GFPT2: variants seen among roughly 807,000 people sequenced by gnomAD.
The protein encoded by GFPT2 is glutamine--fructose-6-phosphate aminotransferase [isomerizing] 2.
A neutral mutation model predicts 85.6 loss-of-function variants in GFPT2; 62 were observed. The observed-to-expected ratio is 0.72, with a 90% CI of 0.59 to 0.90. GFPT2 has a LOEUF of 0.90. Among genes scored for constraint, GFPT2 ranks in the 40% least tolerant of loss-of-function variants. GFPT2 has a pLI of 0.00. For missense variants in GFPT2, 788 were observed against 893.4 expected, an observed-to-expected ratio of 0.88 and a Z score of 1.50; for synonymous variants, 368 against 344.5, an observed-to-expected ratio of 1.07 and a Z score of -0.75.
At chr5:180,310,252 A>C (rs1237666773) in intron 15 of GFPT2, among the ~76,000 whole-genome samples, 1 of 144,820 alleles carries the variant, frequency 6.9e-6, no homozygotes, top group Non-Finnish European at 1.5e-5. Flanking sequence ...ACAGGCACCC[A>C]CTAGCACGCC....
At position 180,328,245 on chromosome 5, in the gene GFPT2, C is replaced by T; in HGVS notation, c.596+32G>A. 1 of 1,537,752 alleles carries T rather than the reference C, an allele frequency of 6.5e-7. No individual in the cohort carries two copies. The highest frequency in any genetic ancestry group is 9.0e-7 in the Non-Finnish European group (1 of 1,110,334). ...CTAAGTGATTTTATTTTCGTTCTTT[C>T]TTATGGGAAATGCCAGTGTGTTTTG... On this transcript the variant is annotated intron_variant, in intron 7 of 18. Transcript: ENST00000253778. This position sits in a 1 kb window ranked among gnomAD's most constrained non-coding sequence, Gnocchi z 5.4.
In GFPT2 at chr5:180,330,871, C is replaced by A; in HGVS notation, c.400-37G>T. On this transcript the variant is annotated intron_variant, in intron 5 of 18. Transcript: ENST00000253778. The surrounding 1 kb of genome is among the most constrained non-coding windows in gnomAD (Gnocchi z 4.4). Reference sequence around the variant, plus strand: ...AGTCGGCACAGTGTGAGAGATTGGTCATTGCACAATGCCTGCCTGGCCAAC... The same window carrying A: ...AGTCGGCACAGTGTGAGAGATTGGTAATTGCACAATGCCTGCCTGGCCAAC... 2 of 1,604,428 alleles carry A rather than the reference C, an allele frequency of 1.2e-6. No individual in the cohort carries two copies. Among genetic ancestry groups the A allele is most frequent in the South Asian group, 2.2e-5 (2 of 90,324 alleles).
chr5:180,344,513 G>A (rs1048462171), intron 1 of GFPT2, among the ~76,000 whole-genome samples: 4 of 152,228 alleles, frequency 2.6e-5, no homozygotes, highest in African/African-American at 9.6e-5. Flanking sequence ...AACATGGACC[G>A]ACTGTTTGGA....
At chr5:180,310,994 G>A (rs763971346) in intron 15 of GFPT2, among the ~76,000 whole-genome samples, 1 of 152,182 alleles carries the variant, frequency 6.6e-6, no homozygotes, top group Non-Finnish European at 1.5e-5. Context: ...GTTTTGCATG[G>A]TTATGACCTG....
At chr5:180,342,859 G>A (rs557638493) in intron 1 of GFPT2, among the ~76,000 whole-genome samples, 1 of 151,840 alleles carries the variant, frequency 6.6e-6, no homozygotes, top group Non-Finnish European at 1.5e-5. Context: ...CTGAGATCAC[G>A]CCACTGCACT....
Position 180,336,550 on chromosome 5 carries a change from T to C in GFPT2, c.143A>G (p.Glu48Gly). The C allele has an allele frequency of 1.2e-6, 2 of 1,610,844 alleles. No individual in the cohort carries two copies. The highest frequency in any genetic ancestry group is 1.1e-5 in the South Asian group (1 of 91,000). Reference protein sequence around the residue: ...AGVAIDGNNHEVKERHIQLVK... With the variant: ...AGVAIDGNNHGVKERHIQLVK... Reference sequence around the variant, plus strand: ...CAGCTGAATGTGTCTTTCTTTGACTTCGTGATTATTCCCATCGATCGCCAC... The same window carrying C: ...CAGCTGAATGTGTCTTTCTTTGACTCCGTGATTATTCCCATCGATCGCCAC... The change falls in exon 3 of 19, where the codon GAA becomes GGA. Residue 48 changes from glutamate (E) to glycine (G), a missense_variant. Physicochemically the swap from Glu to Gly is moderately conservative, Grantham distance 98. Coordinates refer to ENST00000253778, the MANE Select transcript of GFPT2 (RefSeq NM_005110.4).
In GFPT2 at chr5:180,348,991, C is replaced by T. The variant is rs376615144; in HGVS notation, c.7+4220G>A. On this transcript the variant is annotated intron_variant, in intron 1 of 18. Transcript: ENST00000253778. ...TCCTGACCTCGTGATCCACCCACCT[C>T]GGCCTCCCAAAGTGCTGGGATTACA... 2.0e-4 allele frequency among the ~76,000 whole-genome samples: 31 copies of T among 151,844 alleles called. No homozygotes were observed. In the East Asian group the frequency reaches 5.6e-3, roughly 28 times the overall value.
intron 4 of GFPT2, among the ~76,000 whole-genome samples, chr5:180,333,220 A>C (rs1764337690): frequency 6.6e-6 from 1 of 150,572 alleles, no homozygotes; most frequent in Non-Finnish European, 1.5e-5. Context: ...ATCTATGGTG[A>C]TATTGTTTCT....
At chr5:180,344,530 T>C (rs1292187503) in intron 1 of GFPT2, among the ~76,000 whole-genome samples, 1 of 152,154 alleles carries the variant, frequency 6.6e-6, no homozygotes, top group Non-Finnish European at 1.5e-5. Flanking sequence ...TGGACAGTGG[T>C]GTACATGACG....
chr5:180,316,828 T>G lies in GFPT2; in HGVS notation c.1088A>C (p.Glu363Ala). 1 of 1,614,018 alleles carries G rather than the reference T, an allele frequency of 6.2e-7. No individual in the cohort carries two copies. The highest frequency in any genetic ancestry group is 1.1e-5 in the South Asian group (1 of 91,076). Residue 363 changes from glutamate to alanine, a missense_variant, in exon 12 of 19, where the codon GAG becomes GCG. Transcript: ENST00000253778. ...LLGGLKDHLK[E>A]IRRCRRLIVI... ...GATGAGCCGTCGGCATCGTCGAATC[T>G]CCTTCAAGTGGTCCTTCAAGCCACC... is the stretch of plus-strand genomic sequence containing the variant.
In GFPT2 at chr5:180,353,298, TGGGCTCC is replaced by T. The variant is rs1210441706; in HGVS notation, c.-88_-82del. On this transcript the variant is annotated 5_prime_UTR_variant, in exon 1 of 19. Coordinates refer to ENST00000253778, the MANE Select transcript of GFPT2 (RefSeq NM_005110.4). ...TGGGGCTCCTCCGTGGGCTCCTCCG[TGGGCTCC>T]GTGGGCTCCGTGGGCTCCGCGGGCT... is the stretch of plus-strand genomic sequence containing the variant. 1.1e-4 allele frequency: 29 copies of T among 261,588 alleles called. No individual in the cohort carries two copies. The South Asian group carries it at 2.2e-3, about 20-fold the overall frequency. 16.2% of individuals were successfully genotyped at this position (261,588 alleles called of 1,614,324 possible).
intron 1 of GFPT2, among the ~76,000 whole-genome samples, chr5:180,347,856 T>G (rs1427985014): frequency 6.6e-6 from 1 of 152,010 alleles, no homozygotes; most frequent in African/African-American, 2.4e-5. Flanking sequence ...GCCTGGGGGA[T>G]GGGGAAGACA....
At chr5:180,352,479 A>C (rs755485280) in intron 1 of GFPT2, 1 of 451,332 alleles carries the variant, frequency 2.2e-6, no homozygotes, top group Non-Finnish European at 4.4e-6. Context: ...CGCCCTCCCC[A>C]CGGTCCCGCA....
intron 1 of GFPT2, 141 bp downstream of exon 1, chr5:180,353,070 C>T (rs1318281995): frequency 3.1e-6 from 2 of 647,242 alleles, no homozygotes; most frequent in African/African-American, 1.9e-5. Flanking sequence ...CCGACGACAG[C>T]CCCTCGGTAG....
At chr5:180,331,989 T>C (rs755365099) in intron 4 of GFPT2, among the ~76,000 whole-genome samples, 36 of 152,248 alleles carry the variant, frequency 2.4e-4, no homozygotes, top group Non-Finnish European at 4.7e-4. Context: ...AGCACCGTGC[T>C]GTGTTTGACC....
chr5:180,327,226 G>A (rs773823021), intron 7 of GFPT2, among the ~76,000 whole-genome samples: 1 of 152,160 alleles, frequency 6.6e-6, no homozygotes, highest in African/African-American at 2.4e-5. Context: ...TTTAGAGCCG[G>A]CCTCTGTCCG....
intron 1 of GFPT2, among the ~76,000 whole-genome samples, chr5:180,342,918 GAAGA>G (rs1294642349): frequency 2.6e-5 from 4 of 151,772 alleles, no homozygotes; most frequent in South Asian, 2.1e-4. Context: ...AAAAAAAAAG[GAAGA>G]AAGAAAGAAA....
In GFPT2 at chr5:180,307,191, G is replaced by A. The variant is rs761504667; in HGVS notation, c.1659C>T (p.Cys553=). 7 of 1,587,380 alleles carry A rather than the reference G, an allele frequency of 4.4e-6. No individual in the cohort carries two copies. In the South Asian group the frequency reaches 8.1e-5, roughly 18 times the overall value. The change falls in exon 16 of 19, where the codon TGC becomes TGT. Residue 553 remains cysteine (C), a synonymous_variant. Coordinates refer to ENST00000253778, the MANE Select transcript of GFPT2 (RefSeq NM_005110.4). ...VMGRGYNYAT[C]LEGALKIKEI... is the part of the protein sequence containing the mutation. ...GGGGGCTCACCAGGGCTCCTTCCAG[G>A]CAGGTGGCATAGTTGTAGCCCCGCC...
At chr5:180,304,122 T>A (rs1261770887) in intron 17 of GFPT2, among the ~76,000 whole-genome samples, 1 of 152,166 alleles carries the variant, frequency 6.6e-6, no homozygotes, top group Non-Finnish European at 1.5e-5. Flanking sequence ...CGACACACAG[T>A]GACGTGCTGG....
Sources: gnomAD v4.1 joint callset for allele counts (sites outside exome capture counted in the v4.1 genomes callset) on GRCh38, gnomAD v4.1.1 for gene constraint, Gnocchi (gnomAD v3.1) non-coding constraint, MANE v1.5 for transcripts, NCBI Gene and HGNC (gene_info 2026-07-23, HGNC 2026-07-21) for gene names.